The following SLC26A8 variants were observed in gnomAD, a reference collection of about 807,000 sequenced individuals.
SLC26A8 encodes the protein testis anion transporter 1.
A neutral mutation model predicts 105.0 loss-of-function variants in SLC26A8; 70 were observed. The observed-to-expected ratio is 0.67, with a 90% confidence interval of 0.55 to 0.81. SLC26A8 has a LOEUF of 0.81. Ranked by LOEUF, SLC26A8 falls within the 40% of genes least tolerant of loss-of-function variation. The probability of loss-of-function intolerance (pLI) is 0.00; values close to 1 mark genes in which losing one functional copy is unlikely to be tolerated. For synonymous variants in SLC26A8, 415 were observed against 438.3 expected (o/e 0.95, Z 0.66); for missense variants, 998 against 1,181.8 (o/e 0.84, Z 2.28).
rs778072927 is a variant in SLC26A8 at position 35,960,932 on chromosome 6, C to T, written c.1569-20G>A. On this transcript the variant is annotated intron_variant, in intron 13 of 19. Coordinates refer to ENST00000490799, the MANE Select transcript of SLC26A8 (RefSeq NM_052961.4). Reference sequence around the variant, plus strand: ...TTAGCTCTGAAAGGAAATGCACTTGCCTTTAGGTCAGAGTTGGCTTACCTT... The same window carrying T: ...TTAGCTCTGAAAGGAAATGCACTTGTCTTTAGGTCAGAGTTGGCTTACCTT... The T allele has an allele frequency of 6.2e-7, 1 of 1,613,956 alleles. No individual in the cohort carries two copies. The highest frequency in any genetic ancestry group is 1.3e-5 in the African/African-American group (1 of 74,900).
intron 11 of SLC26A8, among the ~76,000 whole-genome samples, chr6:35,964,938 G>A (rs1035118668): frequency 1.3e-5 from 2 of 148,590 alleles, no homozygotes; most frequent in African/African-American, 2.5e-5. Flanking sequence ...CCGCTCTCCA[G>A]TCTGGGCAAG....
intron 12 of SLC26A8, among the ~76,000 whole-genome samples, chr6:35,961,962 TCA>T (rs1772320327): frequency 6.6e-6 from 1 of 152,220 alleles, no homozygotes; most frequent in Non-Finnish European, 1.5e-5. Flanking sequence ...GTGCAGTGGC[TCA>T]CGCCTGTAAT....
chr6:35,969,007 G>T, intron 10 of SLC26A8, 53 bp from the exon 11 acceptor site: 1 of 1,511,152 alleles, frequency 6.6e-7, no homozygotes, highest in Non-Finnish European at 9.1e-7. Context: ...ATTGGTCCCT[G>T]TCTGCAACTG....
At chr6:35,987,342 G>A (rs987415006) in intron 7 of SLC26A8, among the ~76,000 whole-genome samples, 2 of 152,088 alleles carry the variant, frequency 1.3e-5, no homozygotes, top group Non-Finnish European at 2.9e-5. Flanking sequence ...CAGTGCCCCA[G>A]GGATTTGAGC....
At position 35,951,186 on chromosome 6, in the gene SLC26A8, C is replaced by T. The variant is rs750450160; in HGVS notation, c.2449G>A (p.Glu817Lys). 8.4e-6 allele frequency: 13 copies of T among 1,550,462 alleles called. No individual in the cohort carries two copies. In the Admixed American group the frequency reaches 1.8e-4, roughly 21 times the overall value. Reference protein sequence around the residue: ...SIDESETVIRETYSETDKNDN... With the variant: ...SIDESETVIRKTYSETDKNDN... ...ACCTTGTCTGTTTCTGAGTAGGTTT[C>T]CCGTATCACTGTCTCGGATTCATCG... is the stretch of plus-strand genomic sequence containing the variant. Residue 817 changes from glutamate to lysine, a missense_variant, in exon 19 of 20, where the codon GAA (glutamate) becomes AAA (lysine). Physicochemically the swap from Glu to Lys is moderately conservative, Grantham distance 56 (BLOSUM62 1). Coordinates refer to ENST00000490799, the MANE Select transcript of SLC26A8 (RefSeq NM_052961.4).
chr6:35,966,672 G>T (rs1772529423), intron 11 of SLC26A8, among the ~76,000 whole-genome samples: 1 of 152,146 alleles, frequency 6.6e-6, no homozygotes, highest in Non-Finnish European at 1.5e-5. Flanking sequence ...ACTCTAACAA[G>T]GGTTTTGCAA....
intron 5 of SLC26A8, among the ~76,000 whole-genome samples, chr6:35,995,425 G>A (rs569100220): frequency 3.0e-4 from 45 of 152,150 alleles, no homozygotes; most frequent in Middle Eastern, 3.2e-3. Context: ...AGATAACTTC[G>A]ACTCAACTAG....
At chr6:36,003,076 T>A (rs1283348561) in intron 3 of SLC26A8, among the ~76,000 whole-genome samples, 1 of 152,210 alleles carries the variant, frequency 6.6e-6, no homozygotes, top group Non-Finnish European at 1.5e-5. Flanking sequence ...TTTATCGGTC[T>A]TTTCCTTTGG....
chr6:35,949,817 G>GT (rs71540133), intron 19 of SLC26A8, among the ~76,000 whole-genome samples: 4,882 of 143,214 alleles, frequency 0.034, 98 homozygotes, highest in Non-Finnish European at 0.043. Context: ...GTGTTTTTTT[G>GT]TTTTTTTTTT....
chr6:35,994,361 G>A (rs370502778), intron 5 of SLC26A8, among the ~76,000 whole-genome samples: 3 of 151,840 alleles, frequency 2.0e-5, no homozygotes, highest in East Asian at 1.9e-4. Context: ...TGATCCGCCC[G>A]CCTCGGCCTC....
In SLC26A8 at chr6:35,943,762, G is replaced by A; in HGVS notation, c.*138C>T. On this transcript the variant is annotated 3_prime_UTR_variant, in exon 20 of 20. Coordinates refer to ENST00000490799, the MANE Select transcript of SLC26A8 (RefSeq NM_052961.4). The stretch of plus-strand genomic sequence containing the variant: ...GATCCCAGCGCAGAGCAAGGAAGAA[G>A]GCTGGCAGGTAGTAGGAGTCACAGT... 2 of 1,270,044 alleles carry A rather than the reference G, an allele frequency of 1.6e-6. No homozygotes were observed. The highest frequency in any genetic ancestry group is 2.1e-6 in the Non-Finnish European group (2 of 936,300). The allele number at this position is 1,270,044 out of a possible 1,614,324, so 78.7% of individuals were successfully genotyped here. A position where few individuals can be genotyped will look rare whatever the true frequency, so the allele number is the denominator to read the frequency against.
intron 3 of SLC26A8, among the ~76,000 whole-genome samples, chr6:36,001,254 G>A (rs957936094): frequency 5.3e-5 from 8 of 151,944 alleles, no homozygotes; most frequent in Admixed American, 3.3e-4. Flanking sequence ...TCAGCCTCCC[G>A]AGTAGCTGGA....
rs115150695 is a variant in SLC26A8, at chr6:35,951,426, T to C, written c.2287+19A>G. On this transcript the variant is annotated intron_variant, in intron 18 of 19. Coordinates refer to ENST00000490799, the MANE Select transcript of SLC26A8 (RefSeq NM_052961.4). ...CCCAGGGTGCAAAACAGCCCTCTCA[T>C]AGGGTGAAGGATACTCACAGTGACA... The C allele has an allele frequency of 2.0e-3, 3,180 of 1,614,012 alleles. 10 individuals are homozygous for C. The highest frequency in any genetic ancestry group is 0.013 in the Middle Eastern group (79 of 6,062).
At chr6:36,003,785 C>T (rs576953028) in intron 3 of SLC26A8, among the ~76,000 whole-genome samples, 1 of 151,936 alleles carries the variant, frequency 6.6e-6, no homozygotes, top group South Asian at 2.1e-4. Context: ...CCTCAGCCTC[C>T]TGAGTAGCTG....
intron 11 of SLC26A8, among the ~76,000 whole-genome samples, chr6:35,965,536 G>A (rs1181941805): frequency 6.6e-6 from 1 of 151,804 alleles, no homozygotes; most frequent in East Asian, 1.9e-4. Context: ...AAAAAAGTTA[G>A]CCGGGTGTGG....
At chr6:36,001,380 G>A (rs544574339) in intron 3 of SLC26A8, among the ~76,000 whole-genome samples, 2 of 152,182 alleles carry the variant, frequency 1.3e-5, no homozygotes, top group South Asian at 2.1e-4. Flanking sequence ...CACCCGCCTC[G>A]GCCTCCCAAA....
intron 1 of SLC26A8, 57 bp downstream of exon 1, chr6:36,024,447 C>T (rs983129546): frequency 1.1e-5 from 5 of 449,936 alleles, no homozygotes; most frequent in Non-Finnish European, 1.8e-5. Flanking sequence ...ACGGACGCAG[C>T]CCCCGCCCTG....
intron 7 of SLC26A8, among the ~76,000 whole-genome samples, chr6:35,991,148 C>T (rs950780285): frequency 6.6e-6 from 1 of 152,122 alleles, no homozygotes; most frequent in Non-Finnish European, 1.5e-5. Context: ...CGCCTGTAAT[C>T]CTAGCACTTT....
At chr6:35,947,843 A>G (rs886611949) in intron 19 of SLC26A8, among the ~76,000 whole-genome samples, 1 of 152,186 alleles carries the variant, frequency 6.6e-6, no homozygotes, top group East Asian at 1.9e-4. Flanking sequence ...AGGTTGGAGG[A>G]TTGCTTGAGC....
Sources: allele counts gnomAD v4.1 joint callset (sites outside exome capture counted in the v4.1 genomes callset), GRCh38; gene constraint gnomAD v4.1.1; transcripts MANE v1.5; gene names NCBI Gene and HGNC (gene_info 2026-07-23, HGNC 2026-07-21).